The following GNPTAB variants were observed in gnomAD, a reference collection of about 807,000 sequenced individuals.
GNPTAB encodes N-acetylglucosamine-1-phosphate transferase subunits alpha and beta.
Under a neutral mutation model 136.6 loss-of-function variants are expected in GNPTAB, and 92 were observed. The ratio of observed to expected loss-of-function variants is 0.67; its 90% CI spans 0.57 to 0.80. The LOEUF (loss-of-function observed/expected upper bound fraction) is 0.80. Ranked by LOEUF, GNPTAB falls within the 30% of genes least tolerant of loss-of-function variation. The probability of loss-of-function intolerance (pLI) is 0.00; values close to 1 mark genes in which losing one functional copy is unlikely to be tolerated. For missense variants in GNPTAB, 1,343 were observed against 1,501.8 expected, an observed-to-expected ratio of 0.89 and a Z score of 1.75; for synonymous variants, 512 against 535.1, an observed-to-expected ratio of 0.96 and a Z score of 0.60.
intron 19 of GNPTAB, among the ~76,000 whole-genome samples, chr12:101,752,098 C>T (rs1594202805): frequency 1.3e-5 from 2 of 151,334 alleles, no homozygotes; most frequent in South Asian, 4.2e-4. Context: ...ACAGTAGATA[C>T]TCAATAAATT....
chr12:101,814,458 A>T (rs1870410152), intron 1 of GNPTAB, among the ~76,000 whole-genome samples: 1 of 152,128 alleles, frequency 6.6e-6, no homozygotes. Context: ...CGCACTTTGG[A>T]AGCCGAGGCA....
intron 5 of GNPTAB, among the ~76,000 whole-genome samples, chr12:101,780,948 AAAAG>A (rs1953333564): frequency 6.6e-6 from 1 of 152,230 alleles, no homozygotes; most frequent in Admixed American, 6.5e-5. Context: ...GACAGGGGGA[AAAAG>A]AAAGAATTGT....
At chr12:101,817,265 CTTTTT>C (rs71438444) in intron 1 of GNPTAB, among the ~76,000 whole-genome samples, 42 of 108,186 alleles carry the variant, frequency 3.9e-4, no homozygotes, top group African/African-American at 1.3e-3. Flanking sequence ...TATCATTCCA[CTTTTT>C]TTTTTTTTTT....
intron 13 of GNPTAB, 26 bp downstream of exon 13, chr12:101,764,176 A>AC: frequency 6.2e-7 from 1 of 1,613,946 alleles, no homozygotes; most frequent in East Asian, 2.2e-5. Context: ...TGAGCATGAG[A>AC]AAGAATGAGG....
At chr12:101,800,306 G>A (rs1262742651) in intron 1 of GNPTAB, among the ~76,000 whole-genome samples, 2 of 151,878 alleles carry the variant, frequency 1.3e-5, no homozygotes, top group Non-Finnish European at 2.9e-5. Flanking sequence ...GCAACACAGT[G>A]AGACCTCGTC....
intron 1 of GNPTAB, among the ~76,000 whole-genome samples, chr12:101,797,631 C>T (rs1045608321): frequency 1.3e-5 from 2 of 151,996 alleles, no homozygotes; most frequent in Admixed American, 6.6e-5. Flanking sequence ...CTCAAAAAAC[C>T]AAAAAACCAA....
At chr12:101,771,207 G>T in intron 7 of GNPTAB, 50 bp from the exon 8 acceptor site, 3 of 1,436,142 alleles carry the variant, frequency 2.1e-6, no homozygotes, top group Non-Finnish European at 2.9e-6. Flanking sequence ...TCTCAAGGAT[G>T]AAGCACCTTT....
At chr12:101,773,868 G>C (rs199744784) in intron 7 of GNPTAB, 1 of 151,978 alleles carries the variant, frequency 6.6e-6, no homozygotes, top group East Asian at 1.9e-4. Flanking sequence ...TTTGTGGCTT[G>C]GGCAATTGTG....
chr12:101,755,999 C>T (rs1488051942), intron 18 of GNPTAB, among the ~76,000 whole-genome samples: 1 of 152,124 alleles, frequency 6.6e-6, no homozygotes, highest in Admixed American at 6.5e-5. Context: ...GAGAACTCAT[C>T]AAGAAAATGG....
intron 1 of GNPTAB, among the ~76,000 whole-genome samples, chr12:101,806,497 A>G (rs1869942515): frequency 6.6e-6 from 1 of 152,212 alleles, no homozygotes; most frequent in South Asian, 2.1e-4. Context: ...ATGATTGCAC[A>G]ACTTTGTATA....
chr12:101,814,393 G>A (rs1566098610), intron 1 of GNPTAB, among the ~76,000 whole-genome samples: 1 of 152,232 alleles, frequency 6.6e-6, no homozygotes, highest in East Asian at 1.9e-4. Context: ...TAAAACTGAG[G>A]AAAAATTTAG....
At position 101,796,667 on chromosome 12, in the gene GNPTAB, T is replaced by G. The variant is rs532174212; in HGVS notation, c.203+10A>C. The G allele has an allele frequency of 6.4e-7, 1 of 1,559,132 alleles. No individual in the cohort carries two copies. Among genetic ancestry groups the G allele is most frequent in the Non-Finnish European group, 8.8e-7 (1 of 1,130,192 alleles). On this transcript the variant is annotated intron_variant, in intron 2 of 20. Coordinates refer to ENST00000299314, the MANE Select transcript of GNPTAB (RefSeq NM_024312.5). Reference sequence around the variant, plus strand: ...GTCCAAATAATAGATTTCTCCAAAATAGATCTTACCGATTCTGAAAGGACT... The same window carrying G: ...GTCCAAATAATAGATTTCTCCAAAAGAGATCTTACCGATTCTGAAAGGACT...
At position 101,747,219 on chromosome 12, in the gene GNPTAB, A is replaced by T; in HGVS notation, c.3716T>A (p.Ile1239Lys). The T allele has an allele frequency of 6.3e-7, 1 of 1,590,272 alleles. No individual in the cohort carries two copies. Among genetic ancestry groups the T allele is most frequent in the Non-Finnish European group, 8.6e-7 (1 of 1,158,302 alleles). Residue 1239 changes from isoleucine to lysine, a missense_variant, in exon 21 of 21, where the codon ATA becomes AAA. Ile to Lys is a moderately radical substitution (Grantham distance 102). Coordinates refer to ENST00000299314, the MANE Select transcript of GNPTAB (RefSeq NM_024312.5). The stretch of plus-strand genomic sequence containing the variant: ...TTTGTGTATCCTCCTTCTGGGAAAT[A>T]TCTTCCGCTTAAGTGCAATTAACTA... ...AEQLIALKRK[I>K]FPRRRIHKEA...
At chr12:101,777,464 A>G (rs1953276863) in intron 7 of GNPTAB, among the ~76,000 whole-genome samples, 1 of 152,138 alleles carries the variant, frequency 6.6e-6, no homozygotes, top group African/African-American at 2.4e-5. Context: ...CCCTGAAAAC[A>G]CCATTTATGT....
rs192913394 is a variant in GNPTAB, at chr12:101,799,969, G to A, written c.118-3207C>T. On this transcript the variant is annotated intron_variant, in intron 1 of 20. Coordinates refer to ENST00000299314, the MANE Select transcript of GNPTAB (RefSeq NM_024312.5). ...TTGTAGAAGAGAACCCCAATAGAGA[G>A]AACTTTTGGTTTTGGTTTTGTTCTG... Among the ~76,000 whole-genome samples the A allele has an allele frequency of 1.8e-3, 274 of 152,284 alleles. 2 individuals carry two copies. Among genetic ancestry groups the A allele is most frequent in the African/African-American group, 5.5e-3 (228 of 41,560 alleles).
intron 2 of GNPTAB, chr12:101,796,401 T>A: frequency 3.1e-6 from 2 of 649,594 alleles, no homozygotes; most frequent in Admixed American, 4.9e-5. Flanking sequence ...TTTTCTTTCC[T>A]TATTTTAAAA....
intron 5 of GNPTAB, among the ~76,000 whole-genome samples, chr12:101,782,923 C>A (rs1868427700): frequency 6.6e-6 from 1 of 152,068 alleles, no homozygotes; most frequent in Non-Finnish European, 1.5e-5. Context: ...CTGGCTACCT[C>A]ACCTTCTTCA....
rs773360455 is a variant in GNPTAB, at chr12:101,764,163, T to C, written c.2715+39A>G. The C allele has an allele frequency of 1.9e-6, 3 of 1,613,188 alleles. No homozygotes were observed. The South Asian group carries it at 3.3e-5, about 18-fold the overall frequency. Reference sequence around the variant, plus strand: ...ATATTATCATGAGATTATTTACTCTTCCTGAGCATGAGAAAGAATGAGGCT... The same window carrying C: ...ATATTATCATGAGATTATTTACTCTCCCTGAGCATGAGAAAGAATGAGGCT... On this transcript the variant is annotated intron_variant, in intron 13 of 20. Coordinates refer to ENST00000299314, the MANE Select transcript of GNPTAB (RefSeq NM_024312.5).
At chr12:101,802,410 G>C (rs1032427881) in intron 1 of GNPTAB, among the ~76,000 whole-genome samples, 3 of 152,078 alleles carry the variant, frequency 2.0e-5, no homozygotes, top group African/African-American at 7.2e-5. Context: ...TAGTAACTTA[G>C]GGTTATCAGC....
Sources: allele counts gnomAD v4.1 joint callset (sites outside exome capture counted in the v4.1 genomes callset), GRCh38; gene constraint gnomAD v4.1.1; transcripts MANE v1.5; gene names NCBI Gene and HGNC (gene_info 2026-07-23, HGNC 2026-07-21).